UVRAG: variants seen among roughly 807,000 people sequenced by gnomAD.
UVRAG encodes the protein UV radiation resistance-associated gene protein.
In UVRAG, 19 loss-of-function variants were observed where a neutral mutation model predicts 78.0. The ratio of observed to expected loss-of-function variants is 0.24; its 90% CI spans 0.17 to 0.36. The LOEUF (loss-of-function observed/expected upper bound fraction) is 0.36. UVRAG is among the 10% of genes least tolerant of loss of function. The pLI is 1.00. For missense variants in UVRAG, 740 were observed against 853.8 expected (o/e 0.87, Z 1.66); for synonymous variants, 323 against 324.6 (o/e 1.00, Z 0.05).
chr11:76,108,980 A>G (rs1289673370), intron 13 of UVRAG, among the ~76,000 whole-genome samples: 1 of 152,202 alleles, frequency 6.6e-6, no homozygotes, highest in Non-Finnish European at 1.5e-5. Flanking sequence ...TAAAGCTGAA[A>G]TTCAAACTAA....
intron 12 of UVRAG, among the ~76,000 whole-genome samples, chr11:76,019,463 G>A (rs1347435294): frequency 6.6e-6 from 1 of 152,196 alleles, no homozygotes; most frequent in African/African-American, 2.4e-5. Flanking sequence ...CACAGTGTGG[G>A]CTTGTTTATA....
intron 4 of UVRAG, among the ~76,000 whole-genome samples, chr11:75,886,281 C>T (rs1439964231): frequency 6.6e-6 from 1 of 152,034 alleles, no homozygotes; most frequent in Non-Finnish European, 1.5e-5. Context: ...TTGTTTCTCC[C>T]CATACTCTCC....
intron 1 of UVRAG, among the ~76,000 whole-genome samples, chr11:75,839,246 T>C (rs1185492833): frequency 6.6e-6 from 1 of 152,088 alleles, no homozygotes; most frequent in Non-Finnish European, 1.5e-5. Context: ...TTTATATTAA[T>C]TAAAATTTTT....
chr11:76,115,806 T>C, intron 13 of UVRAG, 118 bp from the exon 14 acceptor site: 1 of 874,166 alleles, frequency 1.1e-6, no homozygotes, highest in Non-Finnish European at 1.8e-6. Flanking sequence ...CTGATAATAG[T>C]ATCAAACATT....
intron 6 of UVRAG, among the ~76,000 whole-genome samples, chr11:75,929,038 A>T (rs371313894): frequency 1.1e-4 from 17 of 151,948 alleles, no homozygotes; most frequent in African/African-American, 4.1e-4. Flanking sequence ...GTGTGGTGAA[A>T]GTGGTACAAA....
intron 13 of UVRAG, among the ~76,000 whole-genome samples, chr11:76,090,248 C>T (rs1206075645): frequency 2.0e-5 from 3 of 152,158 alleles, no homozygotes; most frequent in Admixed American, 6.5e-5. Context: ...TTTTGATGTA[C>T]AGGGCCTACT....
intron 8 of UVRAG, among the ~76,000 whole-genome samples, chr11:75,987,963 CCTGACCTCAGGTGAT>C (rs1949533144): frequency 2.6e-5 from 4 of 152,262 alleles, no homozygotes; most frequent in Admixed American, 2.6e-4. Flanking sequence ...GTCTCAAACT[CCTGACCTCAGGTGAT>C]CTGCCCGCCT....
intron 5 of UVRAG, among the ~76,000 whole-genome samples, chr11:75,898,522 A>T (rs1947404942): frequency 6.6e-6 from 1 of 152,184 alleles, no homozygotes; most frequent in African/African-American, 2.4e-5. Flanking sequence ...GTACTTATGG[A>T]ATAAAAATGA....
chr11:75,938,767 C>T (rs1406499258), intron 6 of UVRAG, among the ~76,000 whole-genome samples: 1 of 152,160 alleles, frequency 6.6e-6, no homozygotes, highest in Non-Finnish European at 1.5e-5. Context: ...AGATGATTCA[C>T]TGATCAGTAC....
chr11:76,116,159 A>C, intron 14 of UVRAG, 144 bp downstream of exon 14: 1 of 790,930 alleles, frequency 1.3e-6, no homozygotes, highest in Non-Finnish European at 2.0e-6. Flanking sequence ...GCGCCATCAC[A>C]GTTGGGGAGA....
intron 4 of UVRAG, among the ~76,000 whole-genome samples, chr11:75,883,830 C>G (rs1947011109): frequency 6.6e-6 from 1 of 152,016 alleles, no homozygotes; most frequent in African/African-American, 2.4e-5. Flanking sequence ...TAAAATCCAC[C>G]CTTTTTAAAG....
intron 4 of UVRAG, among the ~76,000 whole-genome samples, chr11:75,881,348 A>G (rs1055607578): frequency 6.6e-6 from 1 of 152,198 alleles, no homozygotes; most frequent in Non-Finnish European, 1.5e-5. Flanking sequence ...TCAGTCTGGA[A>G]AGGCAGGACA....
At chr11:75,840,389 T>C (rs920868822) in intron 1 of UVRAG, among the ~76,000 whole-genome samples, 1 of 151,620 alleles carries the variant, frequency 6.6e-6, no homozygotes, top group Non-Finnish European at 1.5e-5. Flanking sequence ...TTTCTTAGAG[T>C]AACACTACCT....
At chr11:75,966,532 G>A (rs1949026881) in intron 7 of UVRAG, among the ~76,000 whole-genome samples, 1 of 151,856 alleles carries the variant, frequency 6.6e-6, no homozygotes, top group Admixed American at 6.6e-5. Context: ...TTCAATTTTT[G>A]TCGACATATA....
intron 5 of UVRAG, chr11:75,911,618 C>T (rs934934969): frequency 5.0e-5 from 10 of 201,170 alleles, no homozygotes; most frequent in South Asian, 3.1e-4. Context: ...TCTGCCCCCT[C>T]GGGGTCTGGG....
At chr11:75,938,871 C>A (rs1384841994) in intron 6 of UVRAG, among the ~76,000 whole-genome samples, 11 of 152,186 alleles carry the variant, frequency 7.2e-5, no homozygotes. Context: ...AGAACTCTCG[C>A]ACTCATGGCT....
At chr11:75,984,970 C>G (rs950727137) in intron 8 of UVRAG, among the ~76,000 whole-genome samples, 4 of 152,004 alleles carry the variant, frequency 2.6e-5, no homozygotes, top group African/African-American at 9.7e-5. Context: ...TCATACGTTT[C>G]TTAATAAAGA....
chr11:76,007,424 G>A, intron 9 of UVRAG, 110 bp from the exon 10 acceptor site: 1 of 795,670 alleles, frequency 1.3e-6, no homozygotes, highest in Non-Finnish European at 2.0e-6. Flanking sequence ...AGTTTCTGTG[G>A]CCTATTACAG....
At chr11:75,865,227 C>T (rs951782688) in intron 3 of UVRAG, among the ~76,000 whole-genome samples, 10 of 130,936 alleles carry the variant, frequency 7.6e-5, no homozygotes, top group South Asian at 2.6e-4. Context: ...GCGGAGGTTG[C>T]GGTGAGCCGA....
Sources: gnomAD v4.1 joint callset for allele counts (sites outside exome capture counted in the v4.1 genomes callset) on GRCh38, gnomAD v4.1.1 for gene constraint, MANE v1.5 for transcripts, NCBI Gene and HGNC (gene_info 2026-07-23, HGNC 2026-07-21) for gene names.